GPC5: variants seen among roughly 807,000 people sequenced by gnomAD.
GPC5 encodes glypican-5.
In GPC5, 47 loss-of-function variants were observed where a neutral mutation model predicts 53.9. That is an observed-to-expected ratio of 0.87 (90% confidence interval 0.69 to 1.11). GPC5 has a LOEUF of 1.11. GPC5 is among the 50% of genes most tolerant of loss of function. The pLI, the probability that GPC5 is intolerant of heterozygous loss-of-function variation, is 0.00. For synonymous variants in GPC5, 286 were observed against 263.3 expected (o/e 1.09, Z -0.84); for missense variants, 748 against 713.1 (o/e 1.05, Z -0.56).
At chr13:91,746,135 TA>T (rs1566655731) in intron 4 of GPC5, among the ~76,000 whole-genome samples, 1 of 152,228 alleles carries the variant, frequency 6.6e-6, no homozygotes, top group Non-Finnish European at 1.5e-5. Context: ...ACTGACATTT[TA>T]AACGTCTACT....
intron 6 of GPC5, among the ~76,000 whole-genome samples, chr13:91,961,388 C>A (rs1168742361): frequency 6.6e-6 from 1 of 151,872 alleles, no homozygotes; most frequent in Non-Finnish European, 1.5e-5. Flanking sequence ...CCTGACTAGA[C>A]ACATTTACAG....
chr13:92,406,259 A>G (rs1287787702), intron 7 of GPC5, among the ~76,000 whole-genome samples: 1 of 152,204 alleles, frequency 6.6e-6, no homozygotes, highest in Non-Finnish European at 1.5e-5. Flanking sequence ...TCACCAGGAG[A>G]GATGCATGTA....
chr13:92,292,646 T>C (rs1386148673), intron 7 of GPC5, among the ~76,000 whole-genome samples: 2 of 152,218 alleles, frequency 1.3e-5, no homozygotes, highest in Non-Finnish European at 2.9e-5. Flanking sequence ...CTATTTCTTT[T>C]GCCGCGCAAA....
intron 7 of GPC5, among the ~76,000 whole-genome samples, chr13:92,482,167 C>G (rs550576326): frequency 6.6e-6 from 1 of 152,052 alleles, no homozygotes; most frequent in Non-Finnish European, 1.5e-5. Flanking sequence ...TGCGTAGCAG[C>G]TTGTGCCTGA....
intron 5 of GPC5, among the ~76,000 whole-genome samples, chr13:91,823,317 G>A (rs1485948734): frequency 6.6e-6 from 1 of 152,156 alleles, no homozygotes. Flanking sequence ...AGATTTAGAT[G>A]TTCATTCACC....
intron 7 of GPC5, among the ~76,000 whole-genome samples, chr13:92,209,383 G>A (rs2139072297): frequency 6.6e-6 from 1 of 152,252 alleles, no homozygotes; most frequent in South Asian, 2.1e-4. Context: ...AGAAAAGGGT[G>A]GTTATTTAAA....
At chr13:92,622,352 G>C (rs556786033) in intron 7 of GPC5, among the ~76,000 whole-genome samples, 58 of 152,234 alleles carry the variant, frequency 3.8e-4, no homozygotes, top group African/African-American at 1.4e-3. Context: ...TTGCTCTGTT[G>C]CTCACACCAG....
intron 7 of GPC5, among the ~76,000 whole-genome samples, chr13:92,479,862 ATG>A (rs972460375): frequency 5.3e-5 from 8 of 152,330 alleles, no homozygotes; most frequent in African/African-American, 1.9e-4. Context: ...GATTAGCCTT[ATG>A]TGTGTGTATG....
intron 2 of GPC5, among the ~76,000 whole-genome samples, chr13:91,598,465 G>GA (rs200914155): frequency 0.039 from 5,912 of 151,888 alleles, 128 homozygotes; most frequent in Middle Eastern, 0.054. Context: ...ATCTAAAAAT[G>GA]AAAAAAAGAT....
chr13:91,416,343 C>T (rs1878223067), intron 1 of GPC5, among the ~76,000 whole-genome samples: 1 of 152,122 alleles, frequency 6.6e-6, no homozygotes, highest in Admixed American at 6.5e-5. Flanking sequence ...GAAAAAGGGT[C>T]TCACTAGCTT....
intron 2 of GPC5, among the ~76,000 whole-genome samples, chr13:91,561,534 C>T (rs962476950): frequency 5.4e-4 from 82 of 152,052 alleles, no homozygotes; most frequent in African/African-American, 2.0e-3. Context: ...CATCAGTGGT[C>T]ACTCGAGTGC....
intron 7 of GPC5, among the ~76,000 whole-genome samples, chr13:92,676,133 G>C (rs1298493448): frequency 1.3e-5 from 2 of 152,090 alleles, no homozygotes; most frequent in African/African-American, 4.8e-5. Flanking sequence ...TCAAACATGA[G>C]TAAATTTTGT....
chr13:92,744,717 A>G (rs1399702056), intron 7 of GPC5, among the ~76,000 whole-genome samples: 3 of 152,138 alleles, frequency 2.0e-5, no homozygotes, highest in African/African-American at 7.2e-5. Context: ...TGGCAGCATA[A>G]TTATAGCAGT....
chr13:92,672,027 C>A (rs1886770635), intron 7 of GPC5, among the ~76,000 whole-genome samples: 1 of 152,070 alleles, frequency 6.6e-6, no homozygotes, highest in South Asian at 2.1e-4. Flanking sequence ...TGAATGAGGA[C>A]AACTCACAGA....
chr13:91,694,223 A>G (rs1265377399), intron 3 of GPC5, among the ~76,000 whole-genome samples: 1 of 152,228 alleles, frequency 6.6e-6, no homozygotes, highest in East Asian at 1.9e-4. Flanking sequence ...AAAAGGAAAT[A>G]GTAACATACA....
chr13:91,565,539 G>C (rs1433283879), intron 2 of GPC5, among the ~76,000 whole-genome samples: 1 of 152,146 alleles, frequency 6.6e-6, no homozygotes, highest in African/African-American at 2.4e-5. Flanking sequence ...TATTGGCAGG[G>C]AATCCTAGGC....
intron 2 of GPC5, among the ~76,000 whole-genome samples, chr13:91,642,117 TA>T (rs1446000687): frequency 6.6e-6 from 1 of 151,946 alleles, no homozygotes; most frequent in Non-Finnish European, 1.5e-5. Context: ...AGATATTTGG[TA>T]AAAAATTTAG....
At chr13:92,135,376 C>T (rs2041775750) in intron 6 of GPC5, among the ~76,000 whole-genome samples, 1 of 152,154 alleles carries the variant, frequency 6.6e-6, no homozygotes, top group South Asian at 2.1e-4. Flanking sequence ...GTTTTCTCCC[C>T]TGTTTCAATT....
At chr13:91,976,754 C>T (rs113662681) in intron 6 of GPC5, among the ~76,000 whole-genome samples, 3,599 of 152,150 alleles carry the variant, frequency 0.024, 144 homozygotes, top group African/African-American at 0.082. Context: ...TTAAGACAAA[C>T]AGAGGCCGAG....
Sources: gnomAD v4.1 joint callset for allele counts (sites outside exome capture counted in the v4.1 genomes callset) on GRCh38, gnomAD v4.1.1 for gene constraint, MANE v1.5 for transcripts, NCBI Gene and HGNC (gene_info 2026-07-23, HGNC 2026-07-21) for gene names.